The following FAAH2 variants were observed in gnomAD, a reference collection of about 807,000 sequenced individuals.
The protein encoded by FAAH2 is fatty-acid amide hydrolase 2.
A neutral mutation model predicts 36.9 loss-of-function variants in FAAH2; 60 were observed. That is an observed-to-expected ratio of 1.63 (90% confidence interval 1.32 to 2.02). The LOEUF (loss-of-function observed/expected upper bound fraction) is 2.02. Ranked by LOEUF, FAAH2 falls within the 30% of genes most tolerant of loss-of-function variation. The pLI, the probability that FAAH2 is intolerant of heterozygous loss-of-function variation, is 0.00. For synonymous variants in FAAH2, 214 were observed against 143.8 expected (o/e 1.49, Z -3.49); for missense variants, 689 against 397.5 (o/e 1.73, Z -6.23).
the FAAH2 span, among the ~76,000 whole-genome samples, chrX:57,160,241 A>G: frequency 8.9e-6 from 1 of 111,854 alleles, no homozygotes; most frequent in Admixed American, 9.5e-5. Flanking sequence ...TCGGTTTGCC[A>G]GTATTTTATT....
At chrX:57,130,580 T>A in the FAAH2 span, among the ~76,000 whole-genome samples, 1 of 112,326 alleles carries the variant, frequency 8.9e-6, no homozygotes, top group Non-Finnish European at 1.9e-5. Context: ...GATTTTTAGT[T>A]AAAGAGTTTT....
At chrX:57,427,547 A>G (rs2056191950) in intron 7 of FAAH2, among the ~76,000 whole-genome samples, 1 of 111,803 alleles carries the variant, frequency 8.9e-6, no homozygotes, top group Admixed American at 9.5e-5. Context: ...CATCAAAAGG[A>G]TAATACATCA....
chrX:57,298,788 C>T (rs918303980), intron 2 of FAAH2, among the ~76,000 whole-genome samples: 6 of 87,271 alleles, frequency 6.9e-5, no homozygotes, highest in Non-Finnish European at 1.3e-4. Flanking sequence ...CCACTGATCC[C>T]ACAGAAATAC....
the FAAH2 span, among the ~76,000 whole-genome samples, chrX:57,253,478 A>C: frequency 9.0e-6 from 1 of 111,716 alleles, no homozygotes; most frequent in African/African-American, 3.3e-5. Flanking sequence ...CAAATTCACC[A>C]AGGTAAAAAT....
intron 6 of FAAH2, among the ~76,000 whole-genome samples, chrX:57,380,163 C>G (rs2054804283): frequency 9.0e-6 from 1 of 110,832 alleles, no homozygotes; most frequent in Non-Finnish European, 1.9e-5. Context: ...ATCTGCCTTA[C>G]TGGCTCTTCT....
intron 7 of FAAH2, among the ~76,000 whole-genome samples, chrX:57,411,179 G>T (rs1461360548): frequency 9.0e-6 from 1 of 111,585 alleles, no homozygotes; most frequent in Non-Finnish European, 1.9e-5. Flanking sequence ...TTATTCTTAG[G>T]GGGAAAGACT....
At chrX:57,271,925 C>T in the FAAH2 span, among the ~76,000 whole-genome samples, 1 of 110,322 alleles carries the variant, frequency 9.1e-6, no homozygotes, top group East Asian at 2.9e-4. Context: ...ACAGAAGTAG[C>T]CTTCAGAAGG....
chrX:57,356,241 T>C (rs1456501877), intron 5 of FAAH2, among the ~76,000 whole-genome samples: 2 of 110,924 alleles, frequency 1.8e-5, no homozygotes, highest in Non-Finnish European at 3.8e-5. Context: ...GTAGTAACAG[T>C]ATATGGTTTG....
intron 10 of FAAH2, among the ~76,000 whole-genome samples, chrX:57,478,953 A>G (rs904097833): frequency 9.0e-6 from 1 of 111,405 alleles, no homozygotes; most frequent in Admixed American, 9.6e-5. Context: ...TTGGCTTAGG[A>G]TTGACTTGGC....
intron 9 of FAAH2, 115 bp downstream of exon 9, chrX:57,447,154 G>T: frequency 4.3e-6 from 2 of 466,114 alleles, no homozygotes; most frequent in Non-Finnish European, 7.0e-6. Context: ...GTGGGGTACT[G>T]AAATCTTAAC....
chrX:57,263,449 T>C, the FAAH2 span, among the ~76,000 whole-genome samples: 1 of 111,807 alleles, frequency 8.9e-6, no homozygotes, highest in East Asian at 2.8e-4. Context: ...TCAAGCGTTA[T>C]CTAAATAAAT....
chrX:57,417,383 G>A (rs1426627437), intron 7 of FAAH2, among the ~76,000 whole-genome samples: 10 of 111,849 alleles, frequency 8.9e-5, no homozygotes, highest in African/African-American at 2.6e-4. Flanking sequence ...TTTGGTCTTT[G>A]ATGCTGGTGA....
intron 10 of FAAH2, among the ~76,000 whole-genome samples, chrX:57,451,178 G>A (rs2056776955): frequency 9.0e-6 from 1 of 111,511 alleles, no homozygotes; most frequent in African/African-American, 3.3e-5. Flanking sequence ...TTATTACACA[G>A]AAGAGGAAAC....
chrX:57,301,428 C>T (rs2052362668), intron 2 of FAAH2, among the ~76,000 whole-genome samples: 1 of 85,281 alleles, frequency 1.2e-5, no homozygotes, highest in Non-Finnish European at 2.1e-5. Flanking sequence ...CACATGGACA[C>T]AGGAAGGGGA....
chrX:57,144,933 C>CACAG, the FAAH2 span, among the ~76,000 whole-genome samples: 3 of 110,924 alleles, frequency 2.7e-5, no homozygotes, highest in African/African-American at 9.8e-5. Flanking sequence ...TACACACACA[C>CACAG]ACACACACAC....
intron 8 of FAAH2, among the ~76,000 whole-genome samples, chrX:57,439,522 G>T (rs185329983): frequency 6.0e-4 from 67 of 111,398 alleles, no homozygotes; most frequent in African/African-American, 2.0e-3. Context: ...AGATGAGTAG[G>T]TTGCAAATTT....
chrX:57,245,550 A>G, the FAAH2 span, among the ~76,000 whole-genome samples: 2 of 112,532 alleles, frequency 1.8e-5, no homozygotes, highest in African/African-American at 6.5e-5. Context: ...CAGGGTAATC[A>G]AATTAGAACT....
intron 6 of FAAH2, among the ~76,000 whole-genome samples, chrX:57,379,121 T>G (rs1361836705): frequency 8.9e-6 from 1 of 111,868 alleles, no homozygotes; most frequent in Admixed American, 9.5e-5. Flanking sequence ...TGTCACCATA[T>G]ACATACTTTC....
chrX:57,180,026 T>C, the FAAH2 span, among the ~76,000 whole-genome samples: 1 of 112,062 alleles, frequency 8.9e-6, no homozygotes, highest in Non-Finnish European at 1.9e-5. Flanking sequence ...TTGGGGTAAA[T>C]AATGAAATTA....
Sources: allele counts gnomAD v4.1 joint callset (sites outside exome capture counted in the v4.1 genomes callset), GRCh38; gene constraint gnomAD v4.1.1; transcripts MANE v1.5; gene names NCBI Gene and HGNC (gene_info 2026-07-23, HGNC 2026-07-21).